Variants in OTOG observed in about 807,000 individuals in gnomAD.
The protein encoded by OTOG is otogelin.
OTOG carries 296 observed loss-of-function variants against 313.8 expected under a neutral mutation model. The observed-to-expected ratio is 0.94, with a 90% CI of 0.86 to 1.04. The LOEUF is 1.04. OTOG is among the 50% of genes least tolerant of loss of function. The pLI, the probability that OTOG is intolerant of heterozygous loss-of-function variation, is 0.00. For synonymous variants in OTOG, 1,533 were observed against 1,554.9 expected, an observed-to-expected ratio of 0.99 and a Z score of 0.33; for missense variants, 3,948 against 3,840.1, an observed-to-expected ratio of 1.03 and a Z score of -0.74.
At chr11:17,640,221 C>G (rs1847941406) in intron 49 of OTOG, among the ~76,000 whole-genome samples, 1 of 152,114 alleles carries the variant, frequency 6.6e-6, no homozygotes, top group African/African-American at 2.4e-5. Context: ...GTTGTTTTCT[C>G]AATCCTGCAA....
intron 40 of OTOG, among the ~76,000 whole-genome samples, chr11:17,631,204 A>C (rs1854113399): frequency 6.6e-6 from 1 of 152,346 alleles, no homozygotes; most frequent in Admixed American, 6.5e-5. Context: ...CAGTTGTTAT[A>C]ATCAGCTAGC....
At chr11:17,644,637 CAAG>C (rs760358758) in intron 54 of OTOG, among the ~76,000 whole-genome samples, 72 of 152,000 alleles carry the variant, frequency 4.7e-4, no homozygotes, top group Non-Finnish European at 8.1e-4. Context: ...GGGGCTTCAA[CAAG>C]AAGAAGAATA....
Position 17,629,238 on chromosome 11 carries a change from A to G in OTOG, c.6634A>G (p.Ile2212Val). The G allele has an allele frequency of 6.4e-7, 1 of 1,550,626 alleles. No individual in the cohort carries two copies. The highest frequency in any genetic ancestry group is 2.4e-5 in the East Asian group (1 of 40,926). Residue 2212 changes from isoleucine to valine, a missense_variant, in exon 40 of 56, where the codon ATC becomes GTC. Transcript: ENST00000399397. ...GATCCTGACTCCCTCAGACATCCAG[A>G]TCCAGTGGCTCCACAGCTCAGGACT... The part of the protein sequence containing the change: ...YMILTPSDIQ[I>V]QWLHSSGLMI...
intron 31 of OTOG, among the ~76,000 whole-genome samples, chr11:17,600,423 C>T (rs568642785): frequency 3.3e-5 from 5 of 152,234 alleles, no homozygotes; most frequent in African/African-American, 1.2e-4. Context: ...TTCCAATCCC[C>T]GACCCTCCTC....
Position 17,634,061 on chromosome 11 carries a change from C to G in OTOG, c.7268-8C>G, listed in dbSNP as rs1047728605. 11 of 1,542,228 alleles carry G rather than the reference C, an allele frequency of 7.1e-6. No individual in the cohort carries two copies. The African/African-American group carries it at 1.5e-4, about 21-fold the overall frequency. On this transcript the variant is annotated splice_polypyrimidine_tract_variant and splice_region_variant and intron_variant, in intron 43 of 55. Transcript: ENST00000399397. ...CAGTCCCTCGCACCCTGCCATTCCC[C>G]TCTGCAGCCTGCACTGACAGCATGG...
chr11:17,615,613 T>C (rs985158594), intron 39 of OTOG, among the ~76,000 whole-genome samples: 2 of 152,214 alleles, frequency 1.3e-5, no homozygotes, highest in Non-Finnish European at 2.9e-5. Flanking sequence ...TCTGTCTCCA[T>C]TGAATTGTCT....
intron 54 of OTOG, among the ~76,000 whole-genome samples, chr11:17,643,707 T>A (rs1245665519): frequency 6.6e-6 from 1 of 152,250 alleles, no homozygotes; most frequent in African/African-American, 2.4e-5. Flanking sequence ...GCCATGTTTA[T>A]GTCCTTGTTC....
At chr11:17,645,241 T>C (rs1057102237) in intron 54 of OTOG, among the ~76,000 whole-genome samples, 1 of 152,152 alleles carries the variant, frequency 6.6e-6, no homozygotes, top group Non-Finnish European at 1.5e-5. Context: ...AGCTTAGAAA[T>C]AGGCATTAGG....
intron 23 of OTOG, among the ~76,000 whole-genome samples, chr11:17,579,694 C>CGCTTGT (rs1207836159): frequency 1.3e-5 from 2 of 152,164 alleles, no homozygotes; most frequent in Non-Finnish European, 2.9e-5. Flanking sequence ...CACTGAAGGC[C>CGCTTGT]GCTTGTGACA....
In OTOG at chr11:17,634,089, G is replaced by T. The variant is rs764076937; in HGVS notation, c.7288G>T (p.Val2430Leu). The T allele has an allele frequency of 2.8e-5, 44 of 1,546,464 alleles. No homozygotes were observed. Among genetic ancestry groups the T allele is most frequent in the Middle Eastern group, 4.2e-4 (2 of 4,758 alleles). The change falls in exon 44 of 56, where the codon GTG becomes TTG. Residue 2430 changes from valine to leucine, a missense_variant. Transcript: ENST00000399397. The stretch of plus-strand genomic sequence containing the variant: ...TGCAGCCTGCACTGACAGCATGGGG[G>T]TGCCGAGGGCCCTGGGGGAGACCTG... ...AKCACTDSMG[V>L]PRALGETWNS...
At chr11:17,612,353 C>T in intron 37 of OTOG, 23 bp downstream of exon 37, 2 of 1,504,704 alleles carry the variant, frequency 1.3e-6, no homozygotes, top group Non-Finnish European at 1.8e-6. Context: ...ATCAGCGGAG[C>T]CTCCTGCATC....
chr11:17,641,465 A>G (rs571285629), intron 51 of OTOG, among the ~76,000 whole-genome samples: 7 of 152,274 alleles, frequency 4.6e-5, no homozygotes, highest in African/African-American at 1.7e-4. Flanking sequence ...GTAAGGGCTA[A>G]ATAAATATTA....
At chr11:17,613,310 C>T (rs1853636817) in intron 38 of OTOG, among the ~76,000 whole-genome samples, 1 of 136,904 alleles carries the variant, frequency 7.3e-6, no homozygotes, top group South Asian at 2.4e-4. Context: ...CTCTTCTTTC[C>T]CTCCCTCTCT....
At chr11:17,560,019 G>T (rs1852147980) in intron 12 of OTOG, among the ~76,000 whole-genome samples, 1 of 152,202 alleles carries the variant, frequency 6.6e-6, no homozygotes, top group South Asian at 2.1e-4. Context: ...CCTCTCGAGA[G>T]ATTCATCAGG....
intron 39 of OTOG, among the ~76,000 whole-genome samples, chr11:17,623,989 G>T (rs1292059565): frequency 6.6e-6 from 1 of 152,012 alleles, no homozygotes; most frequent in African/African-American, 2.4e-5. Flanking sequence ...GTTTTTAATG[G>T]GGTAGTTTGT....
chr11:17,612,456 C>G, intron 37 of OTOG, 126 bp downstream of exon 37: 4 of 1,391,856 alleles, frequency 2.9e-6, no homozygotes, highest in East Asian at 2.5e-5. Context: ...AGATTTCCTA[C>G]GCTTGTGACC....
At position 17,572,186 on chromosome 11, in the gene OTOG, G is replaced by A. The variant is rs1015871268; in HGVS notation, c.2062G>A (p.Asp688Asn). ...CTCTGGCTCCCCTCTGGACCCCTGC[G>A]ATGTGCACCTGCAAGCCGGTGAGTT... ...LVSGSPLDPC[D>N]VHLQAASYSV... Residue 688 changes from aspartate (D) to asparagine (N), a missense_variant, in exon 18 of 56, where the codon GAT becomes AAT. Asp to Asn is a conservative substitution (Grantham distance 23). Coordinates refer to ENST00000399397, the MANE Select transcript of OTOG (RefSeq NM_001292063.2). The A allele has an allele frequency of 8.8e-5, 136 of 1,550,336 alleles. No individual in the cohort carries two copies. Among genetic ancestry groups the A allele is most frequent in the Non-Finnish European group, 1.0e-4 (120 of 1,146,924 alleles).
Position 17,563,681 on chromosome 11 carries a change from T to TC in OTOG, c.1644+1881dup, listed in dbSNP as rs568965822. Among the ~76,000 whole-genome samples the TC allele has an allele frequency of 2.1e-4, 30 of 144,280 alleles. No homozygotes were observed. The South Asian group carries it at 6.0e-3, about 29-fold the overall frequency. 94.7% of individuals were successfully genotyped at this position (144,280 alleles called of 152,430 possible). ...GGGTCTCAGGGTCCCTTACTCAGAA[T>TC]CCCCCCCTTTTTTTTTGGAGACAGG... On this transcript the variant is annotated intron_variant, in intron 15 of 55. Transcript: ENST00000399397.
At chr11:17,593,126 C>T (rs1044119414) in intron 25 of OTOG, 67 bp from the exon 26 acceptor site, 7 of 1,463,452 alleles carry the variant, frequency 4.8e-6, no homozygotes, top group Non-Finnish European at 6.5e-6. Context: ...TGTTCCTCCA[C>T]CTCTGTACCT....
Sources: allele counts gnomAD v4.1 joint callset (sites outside exome capture counted in the v4.1 genomes callset), GRCh38; gene constraint gnomAD v4.1.1; transcripts MANE v1.5; gene names NCBI Gene and HGNC (gene_info 2026-07-23, HGNC 2026-07-21).